The following AHCY variants were observed in gnomAD, a reference collection of about 807,000 sequenced individuals.
AHCY encodes S-adenosyl-L-homocysteine hydrolase.
Under a neutral mutation model 45.4 loss-of-function variants are expected in AHCY, and 24 were observed. The observed-to-expected ratio is 0.53, with a 90% confidence interval of 0.38 to 0.74. The LOEUF (loss-of-function observed/expected upper bound fraction) is 0.74, where lower values mean the gene tolerates loss of function less well. AHCY is among the 30% of genes least tolerant of loss of function. AHCY has a pLI of 0.00. For synonymous variants in AHCY, 245 were observed against 235.1 expected (o/e 1.04, Z -0.39); for missense variants, 449 against 594.1 (o/e 0.76, Z 2.54).
chr20:34,246,296 C>G, the AHCY span: 15 of 1,551,150 alleles, frequency 9.7e-6, no homozygotes, highest in Non-Finnish European at 1.0e-5. Context: ...TGTTCCTTGA[C>G]CCTCACTAAT....
chr20:34,254,727 C>T, the AHCY span, among the ~76,000 whole-genome samples: 17,166 of 152,086 alleles, frequency 0.11, 3,298 homozygotes, highest in African/African-American at 0.39. Context: ...ATTTTTCTAA[C>T]GTTCACAAAG....
At chr20:34,244,450 A>G in the AHCY span, among the ~76,000 whole-genome samples, 1 of 152,206 alleles carries the variant, frequency 6.6e-6, no homozygotes. Flanking sequence ...GATGATGATT[A>G]ATGTCTAAAA....
At chr20:34,288,408 G>A (rs952124176) in intron 8 of AHCY, among the ~76,000 whole-genome samples, 23 of 152,218 alleles carry the variant, frequency 1.5e-4, no homozygotes, top group African/African-American at 5.5e-4. Flanking sequence ...TGGACCTGGT[G>A]TGGCAGCTCA....
intron 9 of AHCY, chr20:34,281,484 T>C: frequency 2.6e-6 from 1 of 388,402 alleles, no homozygotes. Context: ...AGGACATATT[T>C]TCCATGACAG....
the AHCY span, chr20:34,250,048 G>A: frequency 6.6e-6 from 1 of 152,338 alleles, no homozygotes; most frequent in Admixed American, 6.5e-5. Context: ...CTGGGGTCCA[G>A]CTGATACTTC....
chr20:34,290,451 T>C lies in AHCY; in HGVS notation c.855-2A>G. ...TCATCCTTCATCTGCTCAAAGTGCC[T>C]GTCAGGCAGCCCAAGACCGTGGGAG... On this transcript the variant is annotated splice_acceptor_variant, in intron 7 of 9. Coordinates refer to ENST00000217426, the MANE Select transcript of AHCY (RefSeq NM_000687.4). LOFTEE classifies it high-confidence loss of function. The surrounding 1 kb of genome is among the most constrained non-coding windows in gnomAD (Gnocchi z 4.5). 2.5e-6 allele frequency: 4 copies of C among 1,614,118 alleles called. No homozygotes were observed. Among genetic ancestry groups the C allele is most frequent in the Non-Finnish European group, 3.4e-6 (4 of 1,179,986 alleles).
In AHCY at chr20:34,295,430, C is replaced by T. The variant is rs371787478; in HGVS notation, c.184G>A (p.Val62Ile). ...AGGGTGACGAGGGTCTCAATGAGGA[C>T]GGCCGTCTCCACGGTCATGTGCAGG... ...GCLHMTVETA[V>I]LIETLVTLGA... Residue 62 changes from valine to isoleucine, a missense_variant, in exon 2 of 10, where the codon GTC becomes ATC. By Grantham distance (29) the Val-to-Ile change is conservative. Coordinates refer to ENST00000217426, the MANE Select transcript of AHCY (RefSeq NM_000687.4). 46 of 1,613,978 alleles carry T rather than the reference C, an allele frequency of 2.9e-5. No individual in the cohort carries two copies. The East Asian group carries it at 4.0e-4, about 14-fold the overall frequency.
the AHCY span, among the ~76,000 whole-genome samples, chr20:34,261,653 C>G: frequency 1.3e-5 from 2 of 149,986 alleles, no homozygotes; most frequent in African/African-American, 4.9e-5. Context: ...CAAACAAAAA[C>G]TAGCCGGGAA....
the AHCY span, among the ~76,000 whole-genome samples, chr20:34,271,431 A>G: frequency 6.6e-6 from 1 of 152,298 alleles, no homozygotes; most frequent in East Asian, 1.9e-4. Context: ...TCTGTCTCAC[A>G]CACATAGGGT....
chr20:34,278,180 AG>A, downstream of AHCY, among the ~76,000 whole-genome samples: 1 of 152,316 alleles, frequency 6.6e-6, no homozygotes, highest in South Asian at 2.1e-4. Context: ...CTGAAATCAG[AG>A]GTAAGTCTGA....
At chr20:34,270,045 G>C in the AHCY span, among the ~76,000 whole-genome samples, 1 of 149,626 alleles carries the variant, frequency 6.7e-6, no homozygotes, top group African/African-American at 2.5e-5. Context: ...GACCAGCCTG[G>C]GCTACATAGT....
At chr20:34,253,139 G>A in the AHCY span, among the ~76,000 whole-genome samples, 1 of 148,766 alleles carries the variant, frequency 6.7e-6, no homozygotes, top group South Asian at 2.1e-4. Flanking sequence ...ACGAAGTCTC[G>A]CTCTGTTGCC....
At chr20:34,269,022 C>T in the AHCY span, 2 of 1,608,052 alleles carry the variant, frequency 1.2e-6, no homozygotes, top group African/African-American at 1.3e-5. Context: ...GTGGTGCGGC[C>T]CCGGACCCCC....
chr20:34,241,344 TGTG>T, the AHCY span: 6 of 568,716 alleles, frequency 1.1e-5, no homozygotes, highest in Non-Finnish European at 8.9e-6. Flanking sequence ...GCCTGTGAGA[TGTG>T]GTGAAGTTTG....
Position 34,291,439 on chromosome 20 carries a change from C to T in AHCY, c.538G>A (p.Val180Ile), listed in dbSNP as rs754036381. ...CTCACCTTGGTGACGGAGTCATTGACATTGATGGCAGGCACCTTGAGGATC... is the reference window on the plus strand; with the variant it reads ...CTCACCTTGGTGACGGAGTCATTGATATTGATGGCAGGCACCTTGAGGATC... ...NGILKVPAIN[V>I]NDSVTKSKFD... Residue 180 changes from valine (V) to isoleucine (I), a missense_variant, in exon 5 of 10, where the codon GTC becomes ATC. By Grantham distance (29) the Val-to-Ile change is conservative. Coordinates refer to ENST00000217426, the MANE Select transcript of AHCY (RefSeq NM_000687.4). The T allele has an allele frequency of 2.5e-6, 4 of 1,614,136 alleles. No individual in the cohort carries two copies. Among genetic ancestry groups the T allele is most frequent in the Non-Finnish European group, 3.4e-6 (4 of 1,180,000 alleles).
At chr20:34,268,866 G>GGTGGGCA in the AHCY span, 1 of 1,219,618 alleles carries the variant, frequency 8.2e-7, no homozygotes, top group Non-Finnish European at 1.2e-6. Flanking sequence ...GGCGGTGGGC[G>GGTGGGCA]GTGGGCAAGC....
At chr20:34,305,056 C>G (rs2122843505), upstream of AHCY, among the ~76,000 whole-genome samples, 1 of 150,680 alleles carries the variant, frequency 6.6e-6, no homozygotes, top group East Asian at 2.0e-4. Context: ...TGGCTCACGC[C>G]TGTAATCCCA....
At chr20:34,302,005 TG>T (rs1264998122) in intron 1 of AHCY, 9 of 888,778 alleles carry the variant, frequency 1.0e-5, no homozygotes, top group Non-Finnish European at 1.2e-5. Context: ...TTTTTTTGTT[TG>T]TTTTTTTTTT....
the AHCY span, among the ~76,000 whole-genome samples, chr20:34,265,004 C>T: frequency 5.3e-5 from 8 of 151,854 alleles, no homozygotes; most frequent in African/African-American, 1.5e-4. Context: ...CGGTGTTGCC[C>T]GGGCTGGTCT....
Sources: gnomAD v4.1 joint callset for allele counts (sites outside exome capture counted in the v4.1 genomes callset) on GRCh38, gnomAD v4.1.1 for gene constraint, Gnocchi (gnomAD v3.1) non-coding constraint, MANE v1.5 for transcripts, NCBI Gene and HGNC (gene_info 2026-07-23, HGNC 2026-07-21) for gene names.